The following IRAK3 variants were observed in gnomAD, a reference collection of about 807,000 sequenced individuals.
IRAK3 encodes interleukin-1 receptor-associated kinase 3.
IRAK3 carries 57 observed loss-of-function variants against 56.6 expected under a neutral mutation model. That is an observed-to-expected ratio of 1.01 (90% confidence interval 0.81 to 1.26). The LOEUF is 1.26. Among genes scored for constraint, IRAK3 ranks in the 50% most tolerant of loss-of-function variants. The pLI is 0.00. For missense variants in IRAK3, 703 were observed against 719.0 expected (o/e 0.98, Z 0.25); for synonymous variants, 258 against 255.7 (o/e 1.01, Z -0.09).
chr12:66,253,990 A>G lies in IRAK3; in HGVS notation c.*5819A>G, dbSNP rs2053128023. On this transcript the variant is annotated 3_prime_UTR_variant, in exon 12 of 12. Coordinates refer to ENST00000261233, the MANE Select transcript of IRAK3 (RefSeq NM_007199.3). ...TATTTGAACATGAAAACAGCTAATA[A>G]AGATGTGTTATTTTATTTTATTATT... The G allele has an allele frequency of 1.3e-5, 2 of 152,196 alleles. No individual in the cohort carries two copies. The highest frequency in any genetic ancestry group is 2.1e-4 in the South Asian group (1 of 4,834). The allele number at this position is 152,196 out of a possible 1,614,324, so 9.4% of individuals were successfully genotyped here.
chr12:66,212,988 T>C (rs1038989231), intron 5 of IRAK3, among the ~76,000 whole-genome samples: 4 of 152,050 alleles, frequency 2.6e-5, no homozygotes, highest in African/African-American at 9.7e-5. Flanking sequence ...CCGTGGCACA[T>C]GTATACTTAT....
In IRAK3 at chr12:66,245,368, C is replaced by A. The variant is rs532036482; in HGVS notation, c.1314+106C>A. 28 of 1,191,342 alleles carry A rather than the reference C, an allele frequency of 2.4e-5. No homozygotes were observed. In the East Asian group the frequency reaches 4.4e-4, roughly 19 times the overall value. 73.8% of individuals were successfully genotyped at this position (1,191,342 alleles called of 1,614,324 possible). A position where few individuals can be genotyped will look rare whatever the true frequency, so the allele number is the denominator to read the frequency against. ...TGAATTATTTGTTAATGAGACAAAT[C>A]CAGCCTCCAACAGAGAATTCCAACA... On this transcript the variant is annotated intron_variant, in intron 11 of 11. Transcript: ENST00000261233.
intron 5 of IRAK3, among the ~76,000 whole-genome samples, chr12:66,213,551 TATC>T (rs1207367160): frequency 6.6e-6 from 1 of 152,098 alleles, no homozygotes; most frequent in Admixed American, 6.5e-5. Flanking sequence ...GGATACATAT[TATC>T]ATATATTTGT....
intron 6 of IRAK3, among the ~76,000 whole-genome samples, chr12:66,226,128 C>G (rs144819542): frequency 6.6e-6 from 1 of 152,094 alleles, no homozygotes; most frequent in East Asian, 1.9e-4. Context: ...TCCAACATTA[C>G]AAATCTTTAA....
chr12:66,191,838 A>G (rs2052402654), intron 1 of IRAK3, among the ~76,000 whole-genome samples: 1 of 152,196 alleles, frequency 6.6e-6, no homozygotes, highest in Admixed American at 6.5e-5. Context: ...TGACAGCCCA[A>G]GCTTAAATGT....
chr12:66,228,632 C>T (rs1207766222), intron 8 of IRAK3, among the ~76,000 whole-genome samples: 1 of 152,106 alleles, frequency 6.6e-6, no homozygotes, highest in Non-Finnish European at 1.5e-5. Context: ...ATAGACAATT[C>T]TGTGTACAGA....
Position 66,203,896 on chromosome 12 carries a change from A to T in IRAK3, c.316+3A>T, listed in dbSNP as rs775561302. The T allele has an allele frequency of 2.5e-6, 4 of 1,610,886 alleles. No individual in the cohort carries two copies. The highest frequency in any genetic ancestry group is 8.5e-7 in the Non-Finnish European group (1 of 1,177,180). On this transcript the variant is annotated splice_donor_region_variant and intron_variant, in intron 2 of 11. Coordinates refer to ENST00000261233, the MANE Select transcript of IRAK3 (RefSeq NM_007199.3). ...TATTCATTTAATTACAAACTATGGT[A>T]AATGCTGATTCTTATAATGTGGCTC...
At chr12:66,208,476 T>C (rs866187957) in intron 2 of IRAK3, among the ~76,000 whole-genome samples, 4 of 152,142 alleles carry the variant, frequency 2.6e-5, no homozygotes, top group South Asian at 2.1e-4. Context: ...ATGCTGATAA[T>C]ACAGCTGGGC....
Position 66,210,163 on chromosome 12 carries a change from C to T in IRAK3, c.398C>T (p.Thr133Ile), listed in dbSNP as rs779830860. The T allele has an allele frequency of 1.2e-5, 19 of 1,600,234 alleles. No individual in the cohort carries two copies. Among genetic ancestry groups the T allele is most frequent in the Admixed American group, 1.7e-5 (1 of 59,932 alleles). Residue 133 changes from threonine (T) to isoleucine (I), a missense_variant, in exon 4 of 12, where the codon ACC becomes ATC. Transcript: ENST00000261233. ...TTCTCTTAGGAAACAGCCAATGTCACCGTGGATAATGTTCTTATTCCTGAA... is the reference window on the plus strand; with the variant it reads ...TTCTCTTAGGAAACAGCCAATGTCATCGTGGATAATGTTCTTATTCCTGAA... ...NILFKETANV[T>I]VDNVLIPEHN...
At position 66,244,649 on chromosome 12, in the gene IRAK3, C is replaced by A. The variant is rs777095382; in HGVS notation, c.1051C>A (p.Leu351Ile). The change falls in exon 9 of 12, where the codon CTT (leucine) becomes ATT (isoleucine). Residue 351 changes from leucine (L) to isoleucine (I), a missense_variant. By Grantham distance (5) the Leu-to-Ile change is conservative. Coordinates refer to ENST00000261233, the MANE Select transcript of IRAK3 (RefSeq NM_007199.3). ...MPEEYIRQGKLSIKTDVYSFG... is the reference protein window; with the variant it reads ...MPEEYIRQGKISIKTDVYSFG... Reference sequence around the variant, plus strand: ...AGAAGAGTACATCAGACAGGGGAAACTTTCCATTAAAACAGATGTCTACAG... The same window carrying A: ...AGAAGAGTACATCAGACAGGGGAAAATTTCCATTAAAACAGATGTCTACAG... The A allele has an allele frequency of 6.2e-7, 1 of 1,613,876 alleles. No homozygotes were observed. Among genetic ancestry groups the A allele is most frequent in the Non-Finnish European group, 8.5e-7 (1 of 1,179,914 alleles).
chr12:66,235,556 G>T (rs1228263125), intron 8 of IRAK3, among the ~76,000 whole-genome samples: 1 of 151,880 alleles, frequency 6.6e-6, no homozygotes, highest in Non-Finnish European at 1.5e-5. Flanking sequence ...ACGGGAGTTC[G>T]CGCGCGGAGC....
In IRAK3 at chr12:66,214,091, A is replaced by T. The variant is rs144629303; in HGVS notation, c.588+2494A>T. Among the ~76,000 whole-genome samples the T allele has an allele frequency of 2.5e-3, 380 of 152,146 alleles. 4 individuals carry two copies. The highest frequency in any genetic ancestry group is 8.8e-3 in the African/African-American group (367 of 41,506). On this transcript the variant is annotated intron_variant, in intron 5 of 11. Coordinates refer to ENST00000261233, the MANE Select transcript of IRAK3 (RefSeq NM_007199.3). Reference sequence around the variant, plus strand: ...GTGTAGGGAAGATGGTGAGAAGAGGATGCTGGAAAGATATTAAGTCTGTGG... The same window carrying T: ...GTGTAGGGAAGATGGTGAGAAGAGGTTGCTGGAAAGATATTAAGTCTGTGG...
chr12:66,194,574 TC>T (rs2052431490), intron 1 of IRAK3, among the ~76,000 whole-genome samples: 1 of 152,078 alleles, frequency 6.6e-6, no homozygotes, highest in Non-Finnish European at 1.5e-5. Flanking sequence ...ACGCCGGTAA[TC>T]CCAGCACTTT....
At chr12:66,223,013 G>A (rs976205687) in intron 6 of IRAK3, among the ~76,000 whole-genome samples, 3 of 151,978 alleles carry the variant, frequency 2.0e-5, no homozygotes, top group African/African-American at 7.3e-5. Context: ...GTCAAAGGGG[G>A]GTTGTTCTCT....
chr12:66,209,926 C>G (rs2052595541), intron 3 of IRAK3, among the ~76,000 whole-genome samples: 1 of 152,100 alleles, frequency 6.6e-6, no homozygotes, highest in South Asian at 2.1e-4. Context: ...CTGACTATGA[C>G]ATTGAAACTT....
At chr12:66,243,109 G>C (rs911262136) in intron 8 of IRAK3, among the ~76,000 whole-genome samples, 1 of 150,124 alleles carries the variant, frequency 6.7e-6, no homozygotes, top group Admixed American at 6.6e-5. Flanking sequence ...TGTTTTTTCT[G>C]TTGTCAACTC....
At chr12:66,222,518 G>A (rs574472409) in intron 6 of IRAK3, among the ~76,000 whole-genome samples, 4 of 151,874 alleles carry the variant, frequency 2.6e-5, no homozygotes, top group African/African-American at 9.6e-5. Flanking sequence ...CAGTTGTAAT[G>A]TCGCCTCTTT....
chr12:66,224,369 A>G (rs1017838196), intron 6 of IRAK3, among the ~76,000 whole-genome samples: 1 of 152,218 alleles, frequency 6.6e-6, no homozygotes, highest in African/African-American at 2.4e-5. Context: ...GAAGCCCCTA[A>G]GTAAACAGAC....
At chr12:66,201,205 G>A (rs911871942) in intron 1 of IRAK3, among the ~76,000 whole-genome samples, 7 of 152,188 alleles carry the variant, frequency 4.6e-5, no homozygotes, top group African/African-American at 1.7e-4. Context: ...AAGCACATCT[G>A]CCTTTGAAGT....
Sources: gnomAD v4.1 joint callset for allele counts (sites outside exome capture counted in the v4.1 genomes callset) on GRCh38, gnomAD v4.1.1 for gene constraint, MANE v1.5 for transcripts, NCBI Gene and HGNC (gene_info 2026-07-23, HGNC 2026-07-21) for gene names.